Variants in CLEC12A observed in about 807,000 individuals in gnomAD.
CLEC12A encodes C-type lectin protein CLL-1.
A neutral mutation model predicts 26.5 loss-of-function variants in CLEC12A; 22 were observed. The observed-to-expected ratio is 0.83, with a 90% CI of 0.59 to 1.19. The LOEUF (loss-of-function observed/expected upper bound fraction) is 1.19. Among genes scored for constraint, CLEC12A ranks in the 50% most tolerant of loss-of-function variants. CLEC12A has a pLI of 0.00. For missense variants in CLEC12A, 353 were observed against 315.6 expected (o/e 1.12, Z -0.90); for synonymous variants, 119 against 101.9 (o/e 1.17, Z -1.01).
At chr12:9,999,109 G>A (rs531458844), downstream of CLEC12A, 66 of 1,596,616 alleles carry the variant, frequency 4.1e-5, 1 homozygote, top group South Asian at 3.3e-4. Context: ...ATGGCTTCCC[G>A]AGTACTGCAA....
intron 5 of CLEC12A, 93 bp from the exon 6 acceptor site, chr12:9,984,777 C>T (rs1025360340): frequency 1.7e-6 from 2 of 1,152,560 alleles, no homozygotes; most frequent in Non-Finnish European, 2.3e-6. Context: ...GAGTCTAGGG[C>T]AATAATATCA....
At chr12:9,952,266 G>A (rs987856232) in intron 1 of CLEC12A, among the ~76,000 whole-genome samples, 2 of 148,040 alleles carry the variant, frequency 1.4e-5, no homozygotes, top group African/African-American at 2.5e-5. Context: ...CTGCCATCTC[G>A]GCTCACTGCA....
chr12:9,962,626 A>G lies in CLEC12A; in HGVS notation c.11-8951A>G, dbSNP rs192227179. ...TCAAAGGGGGCTTGTTCTCTGGCGG[A>G]CAGGAGTGGGGGCCACAAGGTGCTC... On this transcript the variant is annotated intron_variant, in intron 1 of 6. Transcript: ENST00000355690. Among the ~76,000 whole-genome samples the G allele has an allele frequency of 2.5e-3, 379 of 152,206 alleles. 4 individuals carry two copies. The highest frequency in any genetic ancestry group is 8.7e-3 in the African/African-American group (363 of 41,532).
chr12:9,983,054 G>C (rs537191633), intron 5 of CLEC12A, among the ~76,000 whole-genome samples: 1 of 152,006 alleles, frequency 6.6e-6, no homozygotes, highest in South Asian at 2.1e-4. Flanking sequence ...GCAATAATCC[G>C]TTGATGGACA....
intron 5 of CLEC12A, 95 bp downstream of exon 5, chr12:9,982,224 T>C (rs979702870): frequency 3.1e-5 from 21 of 673,630 alleles, no homozygotes; most frequent in African/African-American, 3.0e-4. Context: ...CCAGCTTCAA[T>C]TGAAATTGCA....
At chr12:9,980,020 A>G (rs1243194080) in intron 3 of CLEC12A, among the ~76,000 whole-genome samples, 1 of 152,152 alleles carries the variant, frequency 6.6e-6, no homozygotes. Context: ...CTCCTGAGAA[A>G]CCTCAAAGTT....
chr12:10,005,239 G>C, the CLEC12A span, among the ~76,000 whole-genome samples: 2 of 152,142 alleles, frequency 1.3e-5, no homozygotes, highest in African/African-American at 4.8e-5. Context: ...GTAGAAGGTG[G>C]TCAGCACAGA....
chr12:10,004,097 G>A, the CLEC12A span, among the ~76,000 whole-genome samples: 1 of 152,204 alleles, frequency 6.6e-6, no homozygotes, highest in Non-Finnish European at 1.5e-5. Context: ...GGGAGGGAGA[G>A]CATGCAGACG....
At chr12:9,992,212 C>G (rs957518144) in intron 4 of CLEC12A, 10 of 152,070 alleles carry the variant, frequency 6.6e-5, no homozygotes, top group African/African-American at 2.4e-4. Context: ...TAGGAAAATA[C>G]TAATTAAAGC....
At chr12:9,971,770 G>C in intron 1 of CLEC12A, 83 bp downstream of exon 1, 1 of 1,193,742 alleles carries the variant, frequency 8.4e-7, no homozygotes, top group Non-Finnish European at 1.1e-6. Context: ...TAGTGATATA[G>C]TTACTATTCA....
downstream of CLEC12A, among the ~76,000 whole-genome samples, chr12:10,000,323 A>C (rs1326972648): frequency 6.6e-6 from 1 of 152,202 alleles, no homozygotes; most frequent in African/African-American, 2.4e-5. Context: ...TTCACTCTGA[A>C]TTTCTTGTCA....
At chr12:9,963,798 G>A (rs1863879506) in intron 1 of CLEC12A, among the ~76,000 whole-genome samples, 1 of 152,184 alleles carries the variant, frequency 6.6e-6, no homozygotes, top group African/African-American at 2.4e-5. Flanking sequence ...GCTGAAAGGG[G>A]TGTCTTGTAC....
chr12:9,956,758 A>G (rs902569039), intron 1 of CLEC12A, among the ~76,000 whole-genome samples: 2 of 152,210 alleles, frequency 1.3e-5, no homozygotes, highest in African/African-American at 4.8e-5. Context: ...TTTCATGGAA[A>G]TGGGGAGCTG....
At chr12:9,995,560 A>G (rs1865023651) in exon 5 of CLEC12A, 2 of 359,574 alleles carry the variant, frequency 5.6e-6, no homozygotes, top group Non-Finnish European at 5.4e-6. Context: ...ATATGATTCA[A>G]AGGAATAAAT....
At chr12:9,991,380 ATTC>A (rs1354777825) in intron 4 of CLEC12A, 2 of 152,182 alleles carry the variant, frequency 1.3e-5, no homozygotes, top group Non-Finnish European at 2.9e-5. Context: ...CTAAGATATT[ATTC>A]TTCTAAGTTT....
the CLEC12A span, among the ~76,000 whole-genome samples, chr12:10,000,963 G>A: frequency 3.3e-5 from 5 of 152,150 alleles, no homozygotes; most frequent in African/African-American, 1.2e-4. Flanking sequence ...AGAGAGAAAA[G>A]AAAATGTGTG....
downstream of CLEC12A, among the ~76,000 whole-genome samples, chr12:9,999,504 A>C (rs922537913): frequency 6.6e-6 from 1 of 152,178 alleles, no homozygotes; most frequent in Non-Finnish European, 1.5e-5. Flanking sequence ...TCTGCTGAAA[A>C]TTCATGGATA....
chr12:9,954,301 C>T (rs1425342665), intron 1 of CLEC12A, among the ~76,000 whole-genome samples: 1 of 151,156 alleles, frequency 6.6e-6, no homozygotes, highest in East Asian at 1.9e-4. Context: ...TCGAGACCAG[C>T]CTGGGCAACA....
intron 1 of CLEC12A, among the ~76,000 whole-genome samples, chr12:9,961,265 C>T (rs879695318): frequency 2.0e-4 from 30 of 152,158 alleles, no homozygotes; most frequent in Admixed American, 4.6e-4. Flanking sequence ...GAAGCGTGTT[C>T]GACACGCACT....
Sources: allele counts gnomAD v4.1 joint callset (sites outside exome capture counted in the v4.1 genomes callset), GRCh38; gene constraint gnomAD v4.1.1; transcripts MANE v1.5; gene names NCBI Gene and HGNC (gene_info 2026-07-23, HGNC 2026-07-21).